The following KLHL29 variants were observed in gnomAD, a reference collection of about 807,000 sequenced individuals.
The protein encoded by KLHL29 is kelch like family member 29.
A neutral mutation model predicts 80.4 loss-of-function variants in KLHL29; 21 were observed. The observed-to-expected ratio is 0.26, with a 90% CI of 0.19 to 0.38. KLHL29 has a LOEUF of 0.38. Ranked by LOEUF, KLHL29 falls within the 10% of genes least tolerant of loss-of-function variation. The pLI is 1.00. For synonymous variants in KLHL29, 511 were observed against 526.8 expected, an observed-to-expected ratio of 0.97 and a Z score of 0.41; for missense variants, 867 against 1,223.9, an observed-to-expected ratio of 0.71 and a Z score of 4.35.
At chr2:23,435,777 A>G (rs1032864645) in intron 1 of KLHL29, among the ~76,000 whole-genome samples, 5 of 152,080 alleles carry the variant, frequency 3.3e-5, no homozygotes, top group Non-Finnish European at 7.4e-5. Context: ...AATTGCAGCT[A>G]TCCTTATTGT....
intron 3 of KLHL29, chr2:23,617,187 C>T (rs924829971): frequency 6.6e-6 from 1 of 152,296 alleles, no homozygotes; most frequent in African/African-American, 2.4e-5. Context: ...TCCCGGCAGC[C>T]TCCTCCTTCA....
intron 1 of KLHL29, among the ~76,000 whole-genome samples, chr2:23,418,632 C>T (rs1353855793): frequency 2.0e-5 from 3 of 152,066 alleles, no homozygotes; most frequent in Non-Finnish European, 4.4e-5. Flanking sequence ...AAACAGTAAC[C>T]GGGGGAGGGT....
chr2:23,568,216 G>A (rs1055006201), intron 3 of KLHL29, among the ~76,000 whole-genome samples: 3 of 152,132 alleles, frequency 2.0e-5, no homozygotes, highest in African/African-American at 7.2e-5. Context: ...GTCCATACAC[G>A]GATTCCAAAA....
chr2:23,699,526 C>A (rs1672223185), intron 11 of KLHL29, among the ~76,000 whole-genome samples: 1 of 152,228 alleles, frequency 6.6e-6, no homozygotes, highest in South Asian at 2.1e-4. Context: ...AGTGACCTGG[C>A]CAGGCTGCTG....
intron 1 of KLHL29, among the ~76,000 whole-genome samples, chr2:23,397,544 C>T (rs1232089567): frequency 6.6e-6 from 1 of 152,172 alleles, no homozygotes; most frequent in Non-Finnish European, 1.5e-5. Context: ...TTTGATAGCT[C>T]AAATAGACAC....
intron 3 of KLHL29, among the ~76,000 whole-genome samples, chr2:23,638,148 C>T (rs1669669650): frequency 6.6e-6 from 1 of 150,772 alleles, no homozygotes; most frequent in South Asian, 2.1e-4. Flanking sequence ...ACCCATAATC[C>T]TCTCACCCAA....
At chr2:23,576,363 T>G (rs1462783963) in intron 3 of KLHL29, among the ~76,000 whole-genome samples, 1 of 150,384 alleles carries the variant, frequency 6.6e-6, no homozygotes, top group African/African-American at 2.5e-5. Context: ...TCTTCCACGA[T>G]ATTAGGCTGA....
At position 23,663,754 on chromosome 2, in the gene KLHL29, A is replaced by G. The variant is rs146045345; in HGVS notation, c.941-20645A>G. Among the ~76,000 whole-genome samples, 11 of 152,376 alleles carry G rather than the reference A, an allele frequency of 7.2e-5. No homozygotes were observed. The East Asian group carries it at 2.1e-3, about 29-fold the overall frequency. ...TCATTATAAAGCACAAGCAGCAGAA[A>G]TTTATGGAAAGAACAGATTAAATGC... On this transcript the variant is annotated intron_variant, in intron 5 of 13. Transcript: ENST00000486442.
chr2:23,561,097 G>A (rs531005088), intron 2 of KLHL29, among the ~76,000 whole-genome samples: 2 of 152,296 alleles, frequency 1.3e-5, no homozygotes, highest in Admixed American at 1.3e-4. Context: ...CCATGCCCAG[G>A]GCTGTGGGTG....
At chr2:23,406,345 AAAAG>A (rs1572487190) in intron 1 of KLHL29, among the ~76,000 whole-genome samples, 1 of 28,290 alleles carries the variant, frequency 3.5e-5, no homozygotes, top group Non-Finnish European at 1.0e-4. Context: ...AAAAAAAAAG[AAAAG>A]AAAACACACA....
chr2:23,586,218 T>C (rs568597881), intron 3 of KLHL29, among the ~76,000 whole-genome samples: 1 of 152,152 alleles, frequency 6.6e-6, no homozygotes, highest in East Asian at 1.9e-4. Context: ...TTTTAAAGTG[T>C]ACAATTCAGG....
intron 1 of KLHL29, among the ~76,000 whole-genome samples, chr2:23,427,116 C>A (rs1304294008): frequency 2.6e-5 from 4 of 152,166 alleles, no homozygotes; most frequent in Admixed American, 6.5e-5. Flanking sequence ...TTTCCCAAAA[C>A]AGTACCTAAC....
chr2:23,673,198 T>TCA (rs535713483), intron 5 of KLHL29, among the ~76,000 whole-genome samples: 138 of 139,904 alleles, frequency 9.9e-4, no homozygotes, highest in Non-Finnish European at 1.9e-3. Flanking sequence ...ACATGCTGTC[T>TCA]CACACACACA....
chr2:23,676,175 GA>G (rs978550485), intron 5 of KLHL29, among the ~76,000 whole-genome samples: 1 of 151,974 alleles, frequency 6.6e-6, no homozygotes, highest in African/African-American at 2.4e-5. Flanking sequence ...ATTTTTGGAG[GA>G]TGGGTTTTTT....
At chr2:23,676,957 C>G (rs1378594696) in intron 5 of KLHL29, among the ~76,000 whole-genome samples, 1 of 152,176 alleles carries the variant, frequency 6.6e-6, no homozygotes, top group East Asian at 1.9e-4. Flanking sequence ...GAATCTGTGA[C>G]TAGATCTAGG....
chr2:23,608,569 T>C (rs1251409306), intron 3 of KLHL29, among the ~76,000 whole-genome samples: 2 of 152,202 alleles, frequency 1.3e-5, no homozygotes, highest in African/African-American at 4.8e-5. Context: ...TCACATTTAC[T>C]CTGTTAAATT....
intron 3 of KLHL29, among the ~76,000 whole-genome samples, chr2:23,584,785 G>A (rs570518693): frequency 1.9e-4 from 29 of 152,196 alleles, no homozygotes; most frequent in Middle Eastern, 6.8e-3. Context: ...TGCCCAGGCC[G>A]GAGTGCAATA....
chr2:23,531,161 T>A (rs1198714406), intron 2 of KLHL29, among the ~76,000 whole-genome samples: 1 of 152,242 alleles, frequency 6.6e-6, no homozygotes, highest in Non-Finnish European at 1.5e-5. Flanking sequence ...CTCCTCCTCG[T>A]CACCTGTACA....
intron 2 of KLHL29, among the ~76,000 whole-genome samples, chr2:23,538,550 G>A (rs889018936): frequency 2.0e-5 from 3 of 152,184 alleles, no homozygotes; most frequent in East Asian, 1.9e-4. Flanking sequence ...TGACTGAAAC[G>A]TCCATTCCAA....
Sources: allele counts gnomAD v4.1 joint callset (sites outside exome capture counted in the v4.1 genomes callset), GRCh38; gene constraint gnomAD v4.1.1; transcripts MANE v1.5; gene names NCBI Gene and HGNC (gene_info 2026-07-23, HGNC 2026-07-21).